The following DIAPH3 variants were observed in gnomAD, a reference collection of about 807,000 sequenced individuals.
The protein encoded by DIAPH3 is diaphanous related formin 3.
A neutral mutation model predicts 144.3 loss-of-function variants in DIAPH3; 117 were observed. The observed-to-expected ratio is 0.81, with a 90% CI of 0.70 to 0.95. DIAPH3 has a LOEUF of 0.95. DIAPH3 is among the 40% of genes least tolerant of loss of function. The pLI, the probability that DIAPH3 is intolerant of heterozygous loss-of-function variation, is 0.00. For missense variants in DIAPH3, 1,421 were observed against 1,412.7 expected (o/e 1.01, Z -0.09); for synonymous variants, 519 against 488.9 (o/e 1.06, Z -0.81).
At chr13:60,074,993 A>G (rs191093673) in intron 4 of DIAPH3, among the ~76,000 whole-genome samples, 1 of 152,286 alleles carries the variant, frequency 6.6e-6, no homozygotes, top group African/African-American at 2.4e-5. Context: ...AATAGGTTCA[A>G]AATAGTGGAA....
chr13:60,131,363 G>A (rs1194251575), intron 2 of DIAPH3, among the ~76,000 whole-genome samples: 1 of 147,446 alleles, frequency 6.8e-6, no homozygotes, highest in Non-Finnish European at 1.5e-5. Context: ...CTGAGCCCAG[G>A]AGGTCAAGAC....
intron 27 of DIAPH3, among the ~76,000 whole-genome samples, chr13:59,684,820 T>C (rs1358966949): frequency 6.6e-6 from 1 of 152,192 alleles, no homozygotes; most frequent in Admixed American, 6.6e-5. Context: ...TTCAATGTAA[T>C]CTATCTCATC....
chr13:59,886,706 GTTTT>G (rs563783843), intron 20 of DIAPH3, among the ~76,000 whole-genome samples: 2 of 151,180 alleles, frequency 1.3e-5, no homozygotes, highest in Non-Finnish European at 3.0e-5. Context: ...AGTATTTTTA[GTTTT>G]TTTTATGACA....
intron 27 of DIAPH3, among the ~76,000 whole-genome samples, chr13:59,755,361 T>C (rs902575189): frequency 2.0e-5 from 3 of 152,110 alleles, no homozygotes; most frequent in Non-Finnish European, 4.4e-5. Flanking sequence ...AATTAGGAAA[T>C]TGAAAATCTG....
At chr13:60,082,853 T>C (rs2137818175) in intron 4 of DIAPH3, among the ~76,000 whole-genome samples, 1 of 152,224 alleles carries the variant, frequency 6.6e-6, no homozygotes, top group Non-Finnish European at 1.5e-5. Flanking sequence ...TGAAATGTAA[T>C]GGCTATATGC....
chr13:60,070,797 A>G (rs1039965664), intron 4 of DIAPH3, among the ~76,000 whole-genome samples: 3 of 152,222 alleles, frequency 2.0e-5, no homozygotes, highest in Non-Finnish European at 4.4e-5. Context: ...TTGGTATTAT[A>G]TAAATTATTT....
chr13:59,735,198 T>C (rs760545547), intron 27 of DIAPH3, among the ~76,000 whole-genome samples: 5 of 152,162 alleles, frequency 3.3e-5, no homozygotes, highest in Non-Finnish European at 7.3e-5. Context: ...GCACTGAATA[T>C]TAATTGCATA....
intron 4 of DIAPH3, among the ~76,000 whole-genome samples, chr13:60,049,303 G>A (rs1254254235): frequency 6.6e-6 from 1 of 152,146 alleles, no homozygotes; most frequent in Non-Finnish European, 1.5e-5. Context: ...TTAAAAGGAG[G>A]CAACATTTTA....
At chr13:59,919,772 T>A (rs973719763) in intron 18 of DIAPH3, among the ~76,000 whole-genome samples, 1 of 152,068 alleles carries the variant, frequency 6.6e-6, no homozygotes, top group Non-Finnish European at 1.5e-5. Flanking sequence ...TCTAATAATG[T>A]AATAGTGGTA....
chr13:59,749,333 A>T (rs2036873298), intron 27 of DIAPH3, among the ~76,000 whole-genome samples: 1 of 151,182 alleles, frequency 6.6e-6, no homozygotes, highest in South Asian at 2.1e-4. Flanking sequence ...ATCCTGGCTA[A>T]CACAGTGAAA....
At chr13:60,014,759 C>A (rs1055920774) in intron 7 of DIAPH3, among the ~76,000 whole-genome samples, 1 of 151,956 alleles carries the variant, frequency 6.6e-6, no homozygotes, top group African/African-American at 2.4e-5. Context: ...GGTAAAATTT[C>A]CCCCCCTGCT....
rs568927114 is a variant in DIAPH3, at chr13:59,757,107, C to T, written c.3319+17082G>A. 3.9e-5 allele frequency among the ~76,000 whole-genome samples: 6 copies of T among 151,978 alleles called. No individual in the cohort carries two copies. In the East Asian group the frequency reaches 9.7e-4, roughly 25 times the overall value. Reference sequence around the variant, plus strand: ...GCAATTTCACAGCTAAAGAAAAATGCAAAACAATAAGACACCATTTTGTCG... The same window carrying T: ...GCAATTTCACAGCTAAAGAAAAATGTAAAACAATAAGACACCATTTTGTCG... On this transcript the variant is annotated intron_variant, in intron 27 of 27. Transcript: ENST00000400324.
intron 27 of DIAPH3, among the ~76,000 whole-genome samples, chr13:59,714,242 C>T (rs2034916994): frequency 1.3e-5 from 2 of 150,030 alleles, no homozygotes; most frequent in African/African-American, 4.9e-5. Context: ...CGCCTGTAGT[C>T]CCAGCTACTT....
chr13:59,959,858 A>C (rs1224663795), intron 17 of DIAPH3, among the ~76,000 whole-genome samples: 1 of 152,216 alleles, frequency 6.6e-6, no homozygotes, highest in Admixed American at 6.5e-5. Flanking sequence ...TACAAAGGCC[A>C]TTTGTGAGCA....
At chr13:59,924,976 T>C in intron 17 of DIAPH3, 106 bp from the exon 18 acceptor site, 1 of 1,471,722 alleles carries the variant, frequency 6.8e-7, no homozygotes, top group Non-Finnish European at 9.1e-7. Flanking sequence ...GATGTAACTC[T>C]TCTAAATAAA....
chr13:60,138,161 G>A (rs139149786), intron 1 of DIAPH3, among the ~76,000 whole-genome samples: 24 of 152,122 alleles, frequency 1.6e-4, no homozygotes, highest in Non-Finnish European at 2.9e-4. Flanking sequence ...TTTGTTTGGC[G>A]TGCACAAGAA....
chr13:59,928,169 T>G (rs1452639445), intron 17 of DIAPH3, among the ~76,000 whole-genome samples: 1 of 152,158 alleles, frequency 6.6e-6, no homozygotes, highest in Non-Finnish European at 1.5e-5. Context: ...AGTCTACTGA[T>G]GAAGGTCTTG....
At chr13:59,895,297 C>A (rs75838531) in intron 20 of DIAPH3, among the ~76,000 whole-genome samples, 4,639 of 151,714 alleles carry the variant, frequency 0.031, 104 homozygotes, top group Non-Finnish European at 0.045. Flanking sequence ...TTTGGCTATT[C>A]GGTATCCGCT....
At chr13:60,045,944 A>G (rs187471615) in intron 4 of DIAPH3, among the ~76,000 whole-genome samples, 1 of 152,356 alleles carries the variant, frequency 6.6e-6, no homozygotes, top group Admixed American at 6.5e-5. Context: ...CAAAGACAAT[A>G]ATTCTTAATT....
Sources: gnomAD v4.1 joint callset for allele counts (sites outside exome capture counted in the v4.1 genomes callset) on GRCh38, gnomAD v4.1.1 for gene constraint, MANE v1.5 for transcripts, NCBI Gene and HGNC (gene_info 2026-07-23, HGNC 2026-07-21) for gene names.